The following GRIP2 variants were observed in gnomAD, a reference collection of about 807,000 sequenced individuals.
The protein encoded by GRIP2 is glutamate receptor-interacting protein 2.
In GRIP2, 58 loss-of-function variants were observed where a neutral mutation model predicts 108.3. The ratio of observed to expected loss-of-function variants is 0.54; its 90% CI spans 0.43 to 0.67. The LOEUF (loss-of-function observed/expected upper bound fraction) is 0.67. Among genes scored for constraint, GRIP2 ranks in the 30% least tolerant of loss-of-function variants. The pLI is 0.00. For synonymous variants in GRIP2, 586 were observed against 598.2 expected (o/e 0.98, Z 0.30); for missense variants, 1,278 against 1,430.6 (o/e 0.89, Z 1.72).
Position 14,511,030 on chromosome 3 carries a change from G to C in GRIP2, c.1933+135C>G, listed in dbSNP as rs891455668. The C allele has an allele frequency of 2.8e-6, 3 of 1,056,726 alleles. No homozygotes were observed. The highest frequency in any genetic ancestry group is 1.4e-6 in the Non-Finnish European group (1 of 739,208). The allele number at this position is 1,056,726 out of a possible 1,614,324, so 65.5% of individuals were successfully genotyped here. A position where few individuals can be genotyped will look rare whatever the true frequency, so the allele number is the denominator to read the frequency against. ...TGTGGTGTTGCCCCCTCCTTCATTT[G>C]TTCATTCCAGCCAGCCTTCAGCAGC... On this transcript the variant is annotated intron_variant, in intron 16 of 23. Transcript: ENST00000621039. This position sits in a 1 kb window ranked among gnomAD's most constrained non-coding sequence, Gnocchi z 4.1.
At chr3:14,580,041 C>A in the GRIP2 span, among the ~76,000 whole-genome samples, 7 of 152,232 alleles carry the variant, frequency 4.6e-5, no homozygotes, top group Non-Finnish European at 1.0e-4. Flanking sequence ...AGCACAGAGG[C>A]TGATGGCTAA....
Position 14,507,788 on chromosome 3 carries a change from A to G in GRIP2, c.2079-88T>C, listed in dbSNP as rs2124874640. The G allele has an allele frequency of 6.7e-7, 1 of 1,490,154 alleles. No individual in the cohort carries two copies. The highest frequency in any genetic ancestry group is 2.3e-5 in the East Asian group (1 of 43,294). The allele number at this position is 1,490,154 out of a possible 1,614,324, so 92.3% of individuals were successfully genotyped here. A position where few individuals can be genotyped will look rare whatever the true frequency, so the allele number is the denominator to read the frequency against. On this transcript the variant is annotated intron_variant, in intron 17 of 23. Transcript: ENST00000621039. The surrounding 1 kb of genome is among the most constrained non-coding windows in gnomAD (Gnocchi z 4.6). ...TGCCCTCAGGGAATCCAGGAGAGCC[A>G]CAAAGCAGAAGTCTGGCTGACCCCA... is the stretch of plus-strand genomic sequence containing the variant.
At chr3:14,573,105 G>T in the GRIP2 span, 1 of 1,422,798 alleles carries the variant, frequency 7.0e-7, no homozygotes, top group Non-Finnish European at 9.9e-7. Context: ...CGAAATGTGG[G>T]CAAAGTTGTC....
Position 14,514,318 on chromosome 3 carries a change from G to A in GRIP2, c.1467C>T (p.Phe489=). The A allele has an allele frequency of 2.5e-6, 4 of 1,573,622 alleles. No individual in the cohort carries two copies. The highest frequency in any genetic ancestry group is 3.4e-6 in the Non-Finnish European group (4 of 1,160,534). Residue 489 remains phenylalanine, a synonymous_variant, in exon 12 of 24, where the codon TTC becomes TTT. Transcript: ENST00000621039. ...TCTCAGCCGGACTGTCAGGCTCGATGAAGCACACGAGGGGTGGGGAGGACA... is the reference window on the plus strand; with the variant it reads ...TCTCAGCCGGACTGTCAGGCTCGATAAAGCACACGAGGGGTGGGGAGGACA... ...ETLSSPPLVC[F]IEPDSPAERC...
the GRIP2 span, among the ~76,000 whole-genome samples, chr3:14,586,413 A>C: frequency 6.6e-6 from 1 of 152,264 alleles, no homozygotes; most frequent in Non-Finnish European, 1.5e-5. Context: ...AGAAGAAAAA[A>C]GGAATCTGCC....
Position 14,522,973 on chromosome 3 carries a change from G to A in GRIP2, c.566+27C>T, listed in dbSNP as rs761057034. ...GGGAGTTGGGGCAGGTCAGTGCAGT[G>A]TGTGGATTTCTTCTGCCTCGGCTCA... On this transcript the variant is annotated intron_variant, in intron 6 of 23. Coordinates refer to ENST00000621039, the MANE Select transcript of GRIP2 (RefSeq NM_001080423.4). This position sits in a 1 kb window ranked among gnomAD's most constrained non-coding sequence, Gnocchi z 4.3. 21 of 1,602,458 alleles carry A rather than the reference G, an allele frequency of 1.3e-5. No individual in the cohort carries two copies. The highest frequency in any genetic ancestry group is 1.8e-5 in the Non-Finnish European group (21 of 1,169,594).
In GRIP2 at chr3:14,521,458, G is replaced by T; in HGVS notation, c.712+184C>A. On this transcript the variant is annotated intron_variant, in intron 7 of 23. Coordinates refer to ENST00000621039, the MANE Select transcript of GRIP2 (RefSeq NM_001080423.4). The surrounding 1 kb of genome is among the most constrained non-coding windows in gnomAD (Gnocchi z 5.1). ...AGACACCTCAATTCTGTTGTTCTAG[G>T]CTGGATCCCCAGCACATCAAACAAT... 1.6e-6 allele frequency: 1 copy of T among 627,480 alleles called. No homozygotes were observed. The highest frequency in any genetic ancestry group is 2.7e-6 in the Non-Finnish European group (1 of 373,886). 38.9% of individuals were successfully genotyped at this position (627,480 alleles called of 1,614,324 possible).
chr3:14,515,228 T>C (rs934082760), intron 11 of GRIP2, among the ~76,000 whole-genome samples: 1 of 152,348 alleles, frequency 6.6e-6, no homozygotes, highest in East Asian at 1.9e-4. Context: ...ATTTTGTTTA[T>C]CTATTCATCC....
At chr3:14,560,758 T>C (rs1470969920), upstream of GRIP2, among the ~76,000 whole-genome samples, 4 of 152,176 alleles carry the variant, frequency 2.6e-5, no homozygotes, top group Non-Finnish European at 5.9e-5. Flanking sequence ...GCCAATACAT[T>C]CCCTTCTTTG....
chr3:14,575,573 C>T, the GRIP2 span, among the ~76,000 whole-genome samples: 182 of 152,294 alleles, frequency 1.2e-3, no homozygotes, highest in African/African-American at 4.2e-3. Context: ...GTGGGATATT[C>T]GCTTTAATAG....
chr3:14,519,652 CTTGGAAA>C (rs1418218064), intron 9 of GRIP2, among the ~76,000 whole-genome samples: 2 of 152,098 alleles, frequency 1.3e-5, no homozygotes, highest in Non-Finnish European at 2.9e-5. Flanking sequence ...TTCCTCTGCT[CTTGGAAA>C]TGCCCAGCAC....
chr3:14,505,142 C>T lies in GRIP2; in HGVS notation c.2573+473G>A, dbSNP rs1418995180. Among the ~76,000 whole-genome samples the T allele has an allele frequency of 6.6e-6, 1 of 152,176 alleles. No individual in the cohort carries two copies. The highest frequency in any genetic ancestry group is 2.1e-4 in the South Asian group (1 of 4,828). ...AGGAACCGCCTGATCAAAAGCACCA[C>T]GATGGGAGGGTGGCCTGGGCCAGAT... is the stretch of plus-strand genomic sequence containing the variant. On this transcript the variant is annotated intron_variant, in intron 20 of 23. Transcript: ENST00000621039. The surrounding 1 kb of genome is among the most constrained non-coding windows in gnomAD (Gnocchi z 4.2).
intron 1 of GRIP2, among the ~76,000 whole-genome samples, chr3:14,554,422 A>G (rs879894915): frequency 0.039 from 5,975 of 152,274 alleles, 396 homozygotes; most frequent in African/African-American, 0.13. Flanking sequence ...CGGTCTGTGG[A>G]CCTGAACAGA....
Position 14,492,003 on chromosome 3 carries a change from A to C in GRIP2, c.*1662T>G, listed in dbSNP as rs1260193958. ...GGGCACCAAGGGGCAGAGCCCAGCG[A>C]AGTGGAGGGGAGGGGTAAGGGAGGC... On this transcript the variant is annotated 3_prime_UTR_variant, in exon 24 of 24. Coordinates refer to ENST00000621039, the MANE Select transcript of GRIP2 (RefSeq NM_001080423.4). The C allele has an allele frequency of 1.3e-5, 2 of 152,408 alleles. No individual in the cohort carries two copies. Among genetic ancestry groups the C allele is most frequent in the Non-Finnish European group, 2.9e-5 (2 of 68,184 alleles). The allele number at this position is 152,408 out of a possible 1,614,324, so 9.4% of individuals were successfully genotyped here.
chr3:14,504,513 T>C (rs6789389), intron 20 of GRIP2, among the ~76,000 whole-genome samples: 21,396 of 151,912 alleles, frequency 0.14, 2,322 homozygotes, highest in African/African-American at 0.3. Flanking sequence ...GGTTCCACCG[T>C]GTCAGCCAGG....
At chr3:14,561,988 CT>C in the GRIP2 span, among the ~76,000 whole-genome samples, 15 of 152,348 alleles carry the variant, frequency 9.8e-5, no homozygotes, top group African/African-American at 3.6e-4. Context: ...GCCACCAAGG[CT>C]TCGAGGTGCT....
chr3:14,548,284 C>T (rs574458573), intron 1 of GRIP2, among the ~76,000 whole-genome samples: 91 of 152,300 alleles, frequency 6.0e-4, no homozygotes, highest in African/African-American at 2.0e-3. Context: ...GAGAGGTCAC[C>T]GAATCGGGGC....
At chr3:14,520,033 C>A in intron 9 of GRIP2, 77 bp downstream of exon 9, 1 of 1,388,930 alleles carries the variant, frequency 7.2e-7, no homozygotes, top group Non-Finnish European at 9.7e-7. Flanking sequence ...CCCAGCCTGC[C>A]CAGGGCTCTG....
At position 14,525,845 on chromosome 3, in the gene GRIP2, C is replaced by T; in HGVS notation, c.121+6G>A. ...GAAAAAGAGGGAATGAGGGAAGCCT[C>T]ATTACCTGGAATGCTCTGTCTGCGG... On this transcript the variant is annotated splice_donor_region_variant and intron_variant, in intron 2 of 23. Coordinates refer to ENST00000621039, the MANE Select transcript of GRIP2 (RefSeq NM_001080423.4). 7.7e-6 allele frequency: 12 copies of T among 1,556,086 alleles called. No individual in the cohort carries two copies. Among genetic ancestry groups the T allele is most frequent in the Non-Finnish European group, 1.0e-5 (12 of 1,149,714 alleles).
Sources: gnomAD v4.1 joint callset for allele counts (sites outside exome capture counted in the v4.1 genomes callset) on GRCh38, gnomAD v4.1.1 for gene constraint, Gnocchi (gnomAD v3.1) non-coding constraint, MANE v1.5 for transcripts, NCBI Gene and HGNC (gene_info 2026-07-23, HGNC 2026-07-21) for gene names.